Variants in ZNF143 observed in about 807,000 individuals in gnomAD.
ZNF143 encodes the protein zinc finger protein 143, also known as SPH-binding factor.
ZNF143 carries 49 observed loss-of-function variants against 74.1 expected under a neutral mutation model. The ratio of observed to expected loss-of-function variants is 0.66; its 90% confidence interval spans 0.53 to 0.84. ZNF143 has a LOEUF of 0.84. Among genes scored for constraint, ZNF143 ranks in the 40% least tolerant of loss-of-function variants. The probability of loss-of-function intolerance (pLI) is 0.00; values close to 1 mark genes in which losing one functional copy is unlikely to be tolerated. For missense variants in ZNF143, 637 were observed against 793.4 expected (o/e 0.80, Z 2.37); for synonymous variants, 304 against 282.8 (o/e 1.07, Z -0.75).
chr11:9,477,579 G>C (rs1420630602), intron 5 of ZNF143, among the ~76,000 whole-genome samples: 1 of 152,016 alleles, frequency 6.6e-6, no homozygotes, highest in Non-Finnish European at 1.5e-5. Context: ...ATCAATAAGA[G>C]TTAGTCACAG....
At chr11:9,478,929 A>G (rs1002702762) in intron 6 of ZNF143, among the ~76,000 whole-genome samples, 3 of 152,226 alleles carry the variant, frequency 2.0e-5, no homozygotes, top group Admixed American at 2.0e-4. Flanking sequence ...TAGAAGAGAA[A>G]TGAGTGGCAG....
intron 10 of ZNF143, among the ~76,000 whole-genome samples, chr11:9,500,242 T>C (rs1438071904): frequency 6.6e-6 from 1 of 152,046 alleles, no homozygotes; most frequent in East Asian, 1.9e-4. Flanking sequence ...CTGCTGTGCC[T>C]GGCCAGACTT....
intron 11 of ZNF143, among the ~76,000 whole-genome samples, chr11:9,506,960 A>T (rs968579658): frequency 6.6e-6 from 1 of 152,116 alleles, no homozygotes; most frequent in Non-Finnish European, 1.5e-5. Context: ...GCTCTAGCCT[A>T]AATATCAATT....
intron 11 of ZNF143, among the ~76,000 whole-genome samples, chr11:9,505,493 C>T (rs533799692): frequency 6.7e-6 from 1 of 149,100 alleles, no homozygotes; most frequent in African/African-American, 2.5e-5. Context: ...TGATCTTGAA[C>T]TCCTGACCTC....
intron 5 of ZNF143, 112 bp from the exon 6 acceptor site, chr11:9,478,278 C>A: frequency 9.4e-7 from 1 of 1,064,498 alleles, no homozygotes; most frequent in South Asian, 1.5e-5. Flanking sequence ...AGTGCGTGGT[C>A]CAGTACTCAG....
In ZNF143 at chr11:9,468,701, G is replaced by A. The variant is rs571628888; in HGVS notation, c.-7-2601G>A. ...CTGGCTATATTTAAATATAACTCAA[G>A]GCTGGGTGTGGCTTATGCCTATAAT... On this transcript the variant is annotated intron_variant, in intron 1 of 15. Coordinates refer to ENST00000396602, the MANE Select transcript of ZNF143 (RefSeq NM_003442.6). 3.1e-3 allele frequency among the ~76,000 whole-genome samples: 466 copies of A among 152,222 alleles called. 3 individuals are homozygous for A. Among genetic ancestry groups the A allele is most frequent in the African/African-American group, 0.011 (447 of 41,522 alleles).
At chr11:9,461,247 A>C (rs1342830788) in intron 1 of ZNF143, among the ~76,000 whole-genome samples, 171 bp downstream of exon 1, 2 of 152,124 alleles carry the variant, frequency 1.3e-5, no homozygotes, top group East Asian at 3.9e-4. Flanking sequence ...GTCTGGGCAG[A>C]AGCGGAGTTT....
rs1477531952 is a variant in ZNF143, at chr11:9,486,371, A to AT, written c.645+6825_645+6826insT. ...TATATATTATATATATATTATATAT[A>AT]ATATATTATATATATAATATATATA... On this transcript the variant is annotated intron_variant, in intron 7 of 15. Coordinates refer to ENST00000396602, the MANE Select transcript of ZNF143 (RefSeq NM_003442.6). Among the ~76,000 whole-genome samples the AT allele has an allele frequency of 2.2e-3, 82 of 36,696 alleles. 2 individuals carry two copies. The highest frequency in any genetic ancestry group is 9.1e-3 in the African/African-American group (72 of 7,916). 24.1% of individuals were successfully genotyped at this position (36,696 alleles called of 152,430 possible).
rs1204909919 is a variant in ZNF143 at position 9,472,709 on chromosome 11, A to C, written c.145A>C (p.Ser49Arg). The C allele has an allele frequency of 6.2e-7, 1 of 1,606,832 alleles. No homozygotes were observed. Among genetic ancestry groups the C allele is most frequent in the Non-Finnish European group, 8.5e-7 (1 of 1,177,994 alleles). ...CAACTTAGAAAATATGGAAGGCGTA[A>C]GCTTGCAAGCAGTAACACTTGCAGA... is the stretch of plus-strand genomic sequence containing the variant. ...GDNLENMEGV[S>R]LQAVTLADGS... The change falls in exon 3 of 16, where the codon AGC (serine) becomes CGC (arginine). Residue 49 changes from serine to arginine, a missense_variant. Physicochemically the swap from Ser to Arg is moderately radical, Grantham distance 110. This residue lies in a region of ZNF143 where 293 missense variants were observed against 307.8 expected (regional missense o/e 0.95). Coordinates refer to ENST00000396602, the MANE Select transcript of ZNF143 (RefSeq NM_003442.6).
rs906817676 is a variant in ZNF143, at chr11:9,473,737, G to A, written c.206-204G>A. 5 of 1,499,826 alleles carry A rather than the reference G, an allele frequency of 3.3e-6. No individual in the cohort carries two copies. In the African/African-American group the frequency reaches 6.9e-5, roughly 21 times the overall value. 92.9% of individuals were successfully genotyped at this position (1,499,826 alleles called of 1,614,324 possible). A position where few individuals can be genotyped will look rare whatever the true frequency, so the allele number is the denominator to read the frequency against. On this transcript the variant is annotated intron_variant, in intron 3 of 15. Coordinates refer to ENST00000396602, the MANE Select transcript of ZNF143 (RefSeq NM_003442.6). ...CCTCATCTAATTGAAAATTGCAGGG[G>A]AGGAAGGATGGCTGAGGGAGGATTT... is the stretch of plus-strand genomic sequence containing the variant.
chr11:9,523,779 G>A (rs1190676524), intron 14 of ZNF143, among the ~76,000 whole-genome samples: 1 of 151,666 alleles, frequency 6.6e-6, no homozygotes, highest in Non-Finnish European at 1.5e-5. Context: ...TGGGCGCGGG[G>A]GCTCACGTCT....
intron 7 of ZNF143, among the ~76,000 whole-genome samples, chr11:9,479,825 A>G (rs1200764655): frequency 6.6e-6 from 1 of 152,228 alleles, no homozygotes; most frequent in Non-Finnish European, 1.5e-5. Context: ...GCAGTTGTGG[A>G]GACCAGGTGA....
intron 11 of ZNF143, among the ~76,000 whole-genome samples, chr11:9,507,781 G>A (rs957253439): frequency 2.0e-5 from 3 of 152,010 alleles, no homozygotes; most frequent in Admixed American, 1.3e-4. Flanking sequence ...TTTTAAACTG[G>A]GACCCATCTT....
intron 1 of ZNF143, chr11:9,461,634 C>T (rs1261057700): frequency 1.3e-5 from 2 of 150,452 alleles, no homozygotes; most frequent in African/African-American, 4.9e-5. Flanking sequence ...CTCACCCTTT[C>T]TTCTATTAAA....
At chr11:9,475,116 C>T (rs566652060) in intron 5 of ZNF143, among the ~76,000 whole-genome samples, 43 of 152,318 alleles carry the variant, frequency 2.8e-4, no homozygotes, top group African/African-American at 1.0e-3. Context: ...AAACTCCTGG[C>T]CTCAAGCCAG....
intron 1 of ZNF143, among the ~76,000 whole-genome samples, chr11:9,464,466 T>C (rs1000180202): frequency 1.3e-5 from 2 of 151,708 alleles, no homozygotes; most frequent in Non-Finnish European, 1.5e-5. Context: ...CCAGGTGGGG[T>C]GGCCCATGCC....
chr11:9,493,709 C>T (rs1331392820), intron 7 of ZNF143, among the ~76,000 whole-genome samples: 1 of 152,136 alleles, frequency 6.6e-6, no homozygotes, highest in African/African-American at 2.4e-5. Context: ...GTGTGACAGT[C>T]TGCAGAGATA....
chr11:9,511,457 C>T (rs1349374805), intron 12 of ZNF143, among the ~76,000 whole-genome samples: 5 of 150,536 alleles, frequency 3.3e-5, no homozygotes, highest in East Asian at 1.9e-4. Flanking sequence ...CCACCATGCC[C>T]GGCTATTTTT....
At chr11:9,474,492 T>G in intron 4 of ZNF143, 58 bp from the exon 5 acceptor site, 6 of 1,534,444 alleles carry the variant, frequency 3.9e-6, no homozygotes, top group African/African-American at 1.4e-5. Flanking sequence ...TGTTGCTAAG[T>G]GAGTTAATTG....
Sources: allele counts gnomAD v4.1 joint callset (sites outside exome capture counted in the v4.1 genomes callset), GRCh38; gene constraint gnomAD v4.1.1; regional missense constraint gnomAD v4.1.1; transcripts MANE v1.5; gene names NCBI Gene and HGNC (gene_info 2026-07-23, HGNC 2026-07-21).